HS6ST3: variants seen among roughly 807,000 people sequenced by gnomAD.
The protein encoded by HS6ST3 is heparan sulfate 6-O-sulfotransferase 3.
Under a neutral mutation model 36.7 loss-of-function variants are expected in HS6ST3, and 12 were observed. The observed-to-expected ratio is 0.33, with a 90% CI of 0.21 to 0.53. HS6ST3 has a LOEUF of 0.53. Among genes scored for constraint, HS6ST3 ranks in the 20% least tolerant of loss-of-function variants. HS6ST3 has a pLI of 0.95. For synonymous variants in HS6ST3, 240 were observed against 257.5 expected (o/e 0.93, Z 0.65); for missense variants, 584 against 640.9 (o/e 0.91, Z 0.96).
chr13:96,448,015 G>T (rs1315167145), intron 1 of HS6ST3, among the ~76,000 whole-genome samples: 2 of 152,128 alleles, frequency 1.3e-5, no homozygotes, highest in African/African-American at 4.8e-5. Flanking sequence ...TGAGGAGATG[G>T]TGCTCTTCTT....
chr13:96,231,387 G>A (rs1441932283), intron 1 of HS6ST3, among the ~76,000 whole-genome samples: 1 of 152,148 alleles, frequency 6.6e-6, no homozygotes, highest in Non-Finnish European at 1.5e-5. Context: ...AAGAATAGAA[G>A]TTTAATTGGC....
chr13:96,676,336 C>A (rs1457468832), intron 1 of HS6ST3, among the ~76,000 whole-genome samples: 1 of 151,994 alleles, frequency 6.6e-6, no homozygotes, highest in Non-Finnish European at 1.5e-5. Flanking sequence ...GTAAGGACTT[C>A]ATTGTATGAA....
At chr13:96,712,961 A>G (rs1380730163) in intron 1 of HS6ST3, among the ~76,000 whole-genome samples, 3 of 152,220 alleles carry the variant, frequency 2.0e-5, no homozygotes, top group Non-Finnish European at 4.4e-5. Context: ...TTCAGAAGAA[A>G]TTGTCTTCAA....
At chr13:96,203,190 G>C (rs2054352039) in intron 1 of HS6ST3, among the ~76,000 whole-genome samples, 3 of 152,138 alleles carry the variant, frequency 2.0e-5, no homozygotes, top group Non-Finnish European at 4.4e-5. Context: ...CAATAGACAG[G>C]GTGGCTTATA....
intron 1 of HS6ST3, among the ~76,000 whole-genome samples, chr13:96,191,659 G>A (rs2054289049): frequency 6.6e-6 from 1 of 152,122 alleles, no homozygotes; most frequent in Non-Finnish European, 1.5e-5. Flanking sequence ...CCATCACGGT[G>A]TGAGCTGTTT....
chr13:96,634,819 T>A (rs1335020044), intron 1 of HS6ST3, among the ~76,000 whole-genome samples: 2 of 152,144 alleles, frequency 1.3e-5, no homozygotes, highest in Non-Finnish European at 2.9e-5. Context: ...GCTTCTCTCT[T>A]TCAATGAGTT....
chr13:96,306,809 T>C (rs1349077230), intron 1 of HS6ST3, among the ~76,000 whole-genome samples: 2 of 152,124 alleles, frequency 1.3e-5, no homozygotes, highest in East Asian at 1.9e-4. Context: ...CAAGAGAAAA[T>C]AGATTTACCT....
At chr13:96,096,807 G>C (rs2053793371) in intron 1 of HS6ST3, among the ~76,000 whole-genome samples, 3 of 152,180 alleles carry the variant, frequency 2.0e-5, no homozygotes, top group Admixed American at 2.0e-4. Flanking sequence ...AGGTTACAGA[G>C]CTCTGTTTCA....
chr13:96,487,767 T>C (rs767342300), intron 1 of HS6ST3, among the ~76,000 whole-genome samples: 6 of 152,176 alleles, frequency 3.9e-5, no homozygotes, highest in Non-Finnish European at 7.4e-5. Context: ...AGACCATTCA[T>C]ATTTGGCTTA....
At chr13:96,509,241 T>C (rs956422895) in intron 1 of HS6ST3, among the ~76,000 whole-genome samples, 1 of 152,222 alleles carries the variant, frequency 6.6e-6, no homozygotes, top group African/African-American at 2.4e-5. Flanking sequence ...TCCTTGTAGA[T>C]TCTGGATACT....
At chr13:96,467,360 T>C (rs1268321853) in intron 1 of HS6ST3, among the ~76,000 whole-genome samples, 1 of 152,218 alleles carries the variant, frequency 6.6e-6, no homozygotes, top group Admixed American at 6.5e-5. Flanking sequence ...GTCCCGTTTC[T>C]CTTTAATTAG....
intron 1 of HS6ST3, among the ~76,000 whole-genome samples, chr13:96,314,141 C>G (rs2054956105): frequency 6.6e-6 from 1 of 152,168 alleles, no homozygotes; most frequent in East Asian, 1.9e-4. Context: ...GCGGAGGTCT[C>G]AGTGAGTCAG....
chr13:96,815,598 C>A (rs1878404335), intron 1 of HS6ST3, among the ~76,000 whole-genome samples: 1 of 152,166 alleles, frequency 6.6e-6, no homozygotes, highest in South Asian at 2.1e-4. Context: ...TCACCCCTAA[C>A]TAACCCCACC....
intron 1 of HS6ST3, among the ~76,000 whole-genome samples, chr13:96,471,123 A>G (rs975703784): frequency 5.3e-5 from 8 of 151,416 alleles, no homozygotes; most frequent in Admixed American, 1.3e-4. Flanking sequence ...AGGAGAATTT[A>G]TTATTATGAC....
chr13:96,707,600 G>A (rs1362333443), intron 1 of HS6ST3, among the ~76,000 whole-genome samples: 1 of 152,170 alleles, frequency 6.6e-6, no homozygotes, highest in Non-Finnish European at 1.5e-5. Flanking sequence ...AACCTACATG[G>A]GAGAAGCACT....
At chr13:96,235,024 G>A (rs1443729514) in intron 1 of HS6ST3, among the ~76,000 whole-genome samples, 6 of 151,976 alleles carry the variant, frequency 3.9e-5, no homozygotes, top group Non-Finnish European at 7.4e-5. Context: ...GGAAACAACC[G>A]AGACATATAA....
Position 96,091,270 on chromosome 13 carries a change from C to T in HS6ST3, c.408C>T (p.Arg136=), listed in dbSNP as rs370259237. The T allele has an allele frequency of 2.5e-6, 4 of 1,612,016 alleles. No homozygotes were observed. Among genetic ancestry groups the T allele is most frequent in the Non-Finnish European group, 3.4e-6 (4 of 1,179,168 alleles). The part of the protein sequence containing the change: ...RFNFSLKDLT[R]FVDFNIKGRD... ...ACTTCAGCCTGAAGGACCTGACCCG[C>T]TTCGTGGATTTCAACATCAAAGGGC... is the stretch of plus-strand genomic sequence containing the variant. Residue 136 remains arginine, a synonymous_variant, in exon 1 of 2, where the codon CGC becomes CGT. Coordinates refer to ENST00000376705, the MANE Select transcript of HS6ST3 (RefSeq NM_153456.4).
chr13:96,601,719 C>A (rs2056422297), intron 1 of HS6ST3, among the ~76,000 whole-genome samples: 1 of 151,960 alleles, frequency 6.6e-6, no homozygotes. Flanking sequence ...TTTCTGGTTA[C>A]TTCTCATTTT....
chr13:96,324,412 G>C (rs2055020234), intron 1 of HS6ST3, among the ~76,000 whole-genome samples: 1 of 152,188 alleles, frequency 6.6e-6, no homozygotes, highest in Non-Finnish European at 1.5e-5. Context: ...GGAATCTGCT[G>C]TTAGGGCAGA....
Sources: gnomAD v4.1 joint callset for allele counts (sites outside exome capture counted in the v4.1 genomes callset) on GRCh38, gnomAD v4.1.1 for gene constraint, MANE v1.5 for transcripts, NCBI Gene and HGNC (gene_info 2026-07-23, HGNC 2026-07-21) for gene names.